The following PSME3IP1 variants were observed in gnomAD, a reference collection of about 807,000 sequenced individuals.
The protein encoded by PSME3IP1 is proteasome activator subunit 3 interacting protein 1.
PSME3IP1 carries 13 observed loss-of-function variants against 34.1 expected under a neutral mutation model. That is an observed-to-expected ratio of 0.38 (90% CI 0.25 to 0.61). The LOEUF (loss-of-function observed/expected upper bound fraction) is 0.61, where lower values mean the gene tolerates loss of function less well. PSME3IP1 is among the 20% of genes least tolerant of loss of function. The pLI is 0.60. For synonymous variants in PSME3IP1, 93 were observed against 114.3 expected (o/e 0.81, Z 1.19); for missense variants, 237 against 301.4 (o/e 0.79, Z 1.58).
intron 6 of PSME3IP1, among the ~76,000 whole-genome samples, chr16:57,161,903 T>G (rs961967044): frequency 3.9e-5 from 6 of 152,080 alleles, no homozygotes; most frequent in African/African-American, 1.4e-4. Context: ...TTACTGTGAT[T>G]ATTATTATTA....
chr16:57,164,282 A>C (rs1441485146), intron 5 of PSME3IP1, among the ~76,000 whole-genome samples: 1 of 152,262 alleles, frequency 6.6e-6, no homozygotes, highest in African/African-American at 2.4e-5. Context: ...AATCCAGGAA[A>C]TAAAGCACTG....
chr16:57,154,581 G>T lies in PSME3IP1; in HGVS notation c.548-74C>A. 3 of 1,295,866 alleles carry T rather than the reference G, an allele frequency of 2.3e-6. No individual in the cohort carries two copies. The highest frequency in any genetic ancestry group is 2.1e-6 in the Non-Finnish European group (2 of 947,668). 80.3% of individuals were successfully genotyped at this position (1,295,866 alleles called of 1,614,324 possible). A position where few individuals can be genotyped will look rare whatever the true frequency, so the allele number is the denominator to read the frequency against. Reference sequence around the variant, plus strand: ...TGGGGACTGACTTACCATGTGCCAGGCACTGTACCAAGGGATTTTCCCACA... The same window carrying T: ...TGGGGACTGACTTACCATGTGCCAGTCACTGTACCAAGGGATTTTCCCACA... On this transcript the variant is annotated intron_variant, in intron 6 of 6. Transcript: ENST00000309137. The surrounding 1 kb of genome is among the most constrained non-coding windows in gnomAD (Gnocchi z 4.0).
rs538624162 is a variant in PSME3IP1 at position 57,179,065 on chromosome 16, A to C, written c.-15-5196T>G. ...ATCAGGGATACGGGCTCTAACTGTG[A>C]AGAGCCCTGTAGGAATGCAGAGGAC... On this transcript the variant is annotated intron_variant, in intron 1 of 6. Coordinates refer to ENST00000309137, the MANE Select transcript of PSME3IP1 (RefSeq NM_024946.4). 3.3e-5 allele frequency among the ~76,000 whole-genome samples: 5 copies of C among 152,348 alleles called. No homozygotes were observed. The South Asian group carries it at 8.3e-4, about 25-fold the overall frequency.
intron 6 of PSME3IP1, among the ~76,000 whole-genome samples, chr16:57,158,413 C>T (rs1408792496): frequency 6.6e-6 from 1 of 151,232 alleles, no homozygotes; most frequent in Non-Finnish European, 1.5e-5. Flanking sequence ...CACAGGGAAA[C>T]CTTGTCTCTA....
intron 4 of PSME3IP1, among the ~76,000 whole-genome samples, chr16:57,170,320 C>T (rs1302004176): frequency 2.0e-5 from 3 of 152,052 alleles, no homozygotes; most frequent in African/African-American, 7.2e-5. Context: ...TGACCTCAAG[C>T]GATCCTCCTG....
In PSME3IP1 at chr16:57,153,938, A is replaced by G; in HGVS notation, c.*352T>C. On this transcript the variant is annotated 3_prime_UTR_variant, in exon 7 of 7. Transcript: ENST00000309137. ...CTTACTTCTTTGTGCTGTCGGGAAA[A>G]GAAAAAACAGAAAGCAATAAAACCC... 4.0e-6 allele frequency: 1 copy of G among 252,428 alleles called. No individual in the cohort carries two copies. The allele number at this position is 252,428 out of a possible 1,614,324, so 15.6% of individuals were successfully genotyped here.
At chr16:57,164,752 C>T (rs2071651507) in intron 5 of PSME3IP1, among the ~76,000 whole-genome samples, 1 of 152,030 alleles carries the variant, frequency 6.6e-6, no homozygotes, top group African/African-American at 2.4e-5. Context: ...TGTGGGAGGC[C>T]CGGGTGCGGT....
At position 57,154,618 on chromosome 16, in the gene PSME3IP1, G is replaced by A; in HGVS notation, c.548-111C>T. The A allele has an allele frequency of 1.1e-6, 1 of 880,750 alleles. No individual in the cohort carries two copies. Among genetic ancestry groups the A allele is most frequent in the Non-Finnish European group, 1.7e-6 (1 of 585,098 alleles). 54.6% of individuals were successfully genotyped at this position (880,750 alleles called of 1,614,324 possible). ...GGGATTTTCCCACAGAGGAGCCTTAGAACAATGCTATGCAGCCAATACTAT... is the reference window on the plus strand; with the variant it reads ...GGGATTTTCCCACAGAGGAGCCTTAAAACAATGCTATGCAGCCAATACTAT... On this transcript the variant is annotated intron_variant, in intron 6 of 6. Transcript: ENST00000309137. This position sits in a 1 kb window ranked among gnomAD's most constrained non-coding sequence, Gnocchi z 4.0.
chr16:57,154,653 C>T lies in PSME3IP1; in HGVS notation c.548-146G>A, dbSNP rs1004770586. On this transcript the variant is annotated intron_variant, in intron 6 of 6. Transcript: ENST00000309137. The surrounding 1 kb of genome is among the most constrained non-coding windows in gnomAD (Gnocchi z 4.0). ...ATGCAGCCAATACTATCATCACCCT[C>T]GTTTTAGAGATGGGGAAACTGAAGG... 25 of 627,692 alleles carry T rather than the reference C, an allele frequency of 4.0e-5. No homozygotes were observed. Among genetic ancestry groups the T allele is most frequent in the South Asian group, 7.8e-5 (3 of 38,452 alleles). The allele number at this position is 627,692 out of a possible 1,614,324, so 38.9% of individuals were successfully genotyped here.
chr16:57,167,026 C>T, intron 5 of PSME3IP1, 67 bp downstream of exon 5: 1 of 1,582,732 alleles, frequency 6.3e-7, no homozygotes, highest in South Asian at 1.1e-5. Context: ...GCTCTGGCTT[C>T]CATTACAAGT....
intron 6 of PSME3IP1, among the ~76,000 whole-genome samples, chr16:57,161,756 C>G (rs1314078543): frequency 2.0e-5 from 3 of 152,106 alleles, no homozygotes; most frequent in African/African-American, 7.2e-5. Context: ...TCGTGATTCA[C>G]CCGCCTCGGC....
intron 1 of PSME3IP1, among the ~76,000 whole-genome samples, chr16:57,180,533 T>C (rs757738491): frequency 2.0e-5 from 3 of 151,234 alleles, no homozygotes; most frequent in Admixed American, 6.6e-5. Flanking sequence ...AAGGTTGCAG[T>C]GAACTGAGAT....
chr16:57,164,760 G>A (rs973932809), intron 5 of PSME3IP1, among the ~76,000 whole-genome samples: 1 of 152,150 alleles, frequency 6.6e-6, no homozygotes, highest in Non-Finnish European at 1.5e-5. Flanking sequence ...GCCCGGGTGC[G>A]GTGGCTGACG....
intron 2 of PSME3IP1, among the ~76,000 whole-genome samples, 177 bp from the exon 3 acceptor site, chr16:57,173,051 A>G (rs1178319654): frequency 3.9e-5 from 6 of 152,264 alleles, no homozygotes; most frequent in Non-Finnish European, 7.3e-5. Flanking sequence ...TGGACCTCAG[A>G]GAGGGGCCAC....
At chr16:57,165,078 T>G (rs1204115279) in intron 5 of PSME3IP1, among the ~76,000 whole-genome samples, 2 of 146,528 alleles carry the variant, frequency 1.4e-5, no homozygotes, top group South Asian at 2.2e-4. Context: ...AGAATCAGAG[T>G]ATACAAAACC....
intron 1 of PSME3IP1, chr16:57,181,669 T>G (rs2073728839): frequency 6.6e-6 from 1 of 152,230 alleles, no homozygotes. Context: ...TCTAACCAAC[T>G]GGCTATTAAT....
intron 1 of PSME3IP1, chr16:57,185,561 G>T: frequency 1.8e-5 from 18 of 985,528 alleles, no homozygotes; most frequent in Non-Finnish European, 2.2e-5. Flanking sequence ...GAAAATTGGG[G>T]AAACCCCATT....
At chr16:57,181,098 T>C (rs2073667133) in intron 1 of PSME3IP1, among the ~76,000 whole-genome samples, 1 of 152,186 alleles carries the variant, frequency 6.6e-6, no homozygotes, top group South Asian at 2.1e-4. Context: ...TATCTTTCCA[T>C]AGCACAAGGG....
At chr16:57,155,589 C>T (rs1350532452) in intron 6 of PSME3IP1, among the ~76,000 whole-genome samples, 1 of 152,112 alleles carries the variant, frequency 6.6e-6, no homozygotes, top group Non-Finnish European at 1.5e-5. Flanking sequence ...GTGGGTGGAT[C>T]ACTTGAGGTC....
Sources: gnomAD v4.1 joint callset for allele counts (sites outside exome capture counted in the v4.1 genomes callset) on GRCh38, gnomAD v4.1.1 for gene constraint, Gnocchi (gnomAD v3.1) non-coding constraint, MANE v1.5 for transcripts, NCBI Gene and HGNC (gene_info 2026-07-23, HGNC 2026-07-21) for gene names.